MARCHF1: variants seen among roughly 807,000 people sequenced by gnomAD.
MARCHF1 encodes the protein membrane associated ring-CH-type finger 1.
MARCHF1 carries 40 observed loss-of-function variants against 54.2 expected under a neutral mutation model. That is an observed-to-expected ratio of 0.74 (90% confidence interval 0.57 to 0.96). The LOEUF is 0.96. MARCHF1 is among the 40% of genes least tolerant of loss of function. The pLI, the probability that MARCHF1 is intolerant of heterozygous loss-of-function variation, is 0.00. For missense variants in MARCHF1, 586 were observed against 656.5 expected, an observed-to-expected ratio of 0.89 and a Z score of 1.17; for synonymous variants, 236 against 236.3, an observed-to-expected ratio of 1.00 and a Z score of 0.01.
chr4:163,668,510 G>A (rs1743619040), intron 5 of MARCHF1, among the ~76,000 whole-genome samples: 1 of 152,130 alleles, frequency 6.6e-6, no homozygotes, highest in African/African-American at 2.4e-5. Flanking sequence ...GAGGTAGAAT[G>A]GGCAAGGAAA....
chr4:163,850,389 A>G (rs1249546431), intron 4 of MARCHF1, among the ~76,000 whole-genome samples: 2 of 151,920 alleles, frequency 1.3e-5, no homozygotes, highest in Non-Finnish European at 2.9e-5. Context: ...TCCCTCTGTT[A>G]CTCTTCTGTA....
At chr4:163,543,531 T>A (rs1317232856) in intron 9 of MARCHF1, among the ~76,000 whole-genome samples, 17 of 151,696 alleles carry the variant, frequency 1.1e-4, no homozygotes, top group African/African-American at 3.6e-4. Context: ...GATGTATGGG[T>A]TGGAGTACAG....
At chr4:164,235,165 A>C (rs79479013) in intron 1 of MARCHF1, among the ~76,000 whole-genome samples, 6,204 of 152,160 alleles carry the variant, frequency 0.041, 398 homozygotes, top group African/African-American at 0.14. Context: ...AAACTTTTCA[A>C]GAAAACATTC....
At position 164,227,684 on chromosome 4, in the gene MARCHF1, C is replaced by T. The variant is rs149286867; in HGVS notation, c.-322-116022G>A. 1.1e-4 allele frequency among the ~76,000 whole-genome samples: 16 copies of T among 152,068 alleles called. No homozygotes were observed. In the East Asian group the frequency reaches 1.4e-3, roughly 13 times the overall value. ...CACTCTCGCAATCTCACATATTTCG[C>T]GCCATGTGCTTCTTGTACCTACTCA... On this transcript the variant is annotated intron_variant, in intron 1 of 9. Coordinates refer to ENST00000514618, the MANE Select transcript of MARCHF1 (RefSeq NM_001394959.1).
At chr4:164,248,449 G>A (rs1023660063) in intron 1 of MARCHF1, among the ~76,000 whole-genome samples, 1 of 151,858 alleles carries the variant, frequency 6.6e-6, no homozygotes, top group Non-Finnish European at 1.5e-5. Flanking sequence ...GGAGAAAAAA[G>A]GATTATTAGT....
At chr4:163,888,990 C>T (rs538697417) in intron 3 of MARCHF1, among the ~76,000 whole-genome samples, 5 of 152,042 alleles carry the variant, frequency 3.3e-5, no homozygotes, top group East Asian at 1.9e-4. Flanking sequence ...TAAATTATAT[C>T]GATTATTATT....
At position 163,746,933 on chromosome 4, in the gene MARCHF1, C is replaced by T. The variant is rs146729960; in HGVS notation, c.112-46070G>A. ...CTAAATGAAAGCGCAAATCCGGAGA[C>T]GTAAGTTGACCACTGAAGCTTGTCT... On this transcript the variant is annotated intron_variant, in intron 4 of 9. Coordinates refer to ENST00000514618, the MANE Select transcript of MARCHF1 (RefSeq NM_001394959.1). 3.0e-3 allele frequency among the ~76,000 whole-genome samples: 459 copies of T among 152,250 alleles called. 3 individuals carry two copies. The highest frequency in any genetic ancestry group is 0.01 in the African/African-American group (424 of 41,536).
At chr4:163,758,036 C>T (rs1278728467) in intron 4 of MARCHF1, among the ~76,000 whole-genome samples, 1 of 152,208 alleles carries the variant, frequency 6.6e-6, no homozygotes, top group Admixed American at 6.5e-5. Flanking sequence ...AAATAAAATA[C>T]CAGTTATTAA....
chr4:164,119,379 A>G (rs969553978), intron 1 of MARCHF1, among the ~76,000 whole-genome samples: 1 of 151,558 alleles, frequency 6.6e-6, no homozygotes, highest in Non-Finnish European at 1.5e-5. Flanking sequence ...AGAAATACAA[A>G]TAATAAATAC....
chr4:164,016,459 C>T (rs985848146), intron 2 of MARCHF1, among the ~76,000 whole-genome samples: 10 of 151,952 alleles, frequency 6.6e-5, no homozygotes, highest in African/African-American at 2.4e-4. Flanking sequence ...CAAAACCTAA[C>T]CATATCACAT....
chr4:164,056,897 C>T (rs183210550), intron 2 of MARCHF1, among the ~76,000 whole-genome samples: 85 of 152,236 alleles, frequency 5.6e-4, no homozygotes, highest in Non-Finnish European at 1.1e-3. Context: ...AGGTTCTCAG[C>T]CTCTCGCTCT....
intron 1 of MARCHF1, among the ~76,000 whole-genome samples, chr4:164,254,468 T>G (rs2111252700): frequency 6.6e-6 from 1 of 151,316 alleles, no homozygotes; most frequent in Admixed American, 6.6e-5. Context: ...TATATGATAG[T>G]TTACACACAC....
rs184372209 is a variant in MARCHF1, at chr4:164,289,157, G to A, written c.-323+94713C>T. 4.8e-3 allele frequency among the ~76,000 whole-genome samples: 727 copies of A among 151,928 alleles called. 3 individuals are homozygous for A. The highest frequency in any genetic ancestry group is 8.3e-3 in the Non-Finnish European group (562 of 67,844). On this transcript the variant is annotated intron_variant, in intron 1 of 9. Coordinates refer to ENST00000514618, the MANE Select transcript of MARCHF1 (RefSeq NM_001394959.1). ...GTTTACCATATATATTTTCTGGCTG[G>A]GTGTAGAAATGTTCATTATAAAACA...
chr4:164,222,250 A>G (rs767324909), intron 1 of MARCHF1, among the ~76,000 whole-genome samples: 2 of 151,148 alleles, frequency 1.3e-5, no homozygotes, highest in Non-Finnish European at 3.0e-5. Flanking sequence ...ATAACAATTG[A>G]TATTTTTAGG....
intron 3 of MARCHF1, among the ~76,000 whole-genome samples, chr4:163,988,171 G>A (rs1752905431): frequency 6.6e-6 from 1 of 152,124 alleles, no homozygotes; most frequent in African/African-American, 2.4e-5. Flanking sequence ...CCACAGCAAT[G>A]TCCAGAGCCA....
chr4:164,375,015 G>A (rs965346071), intron 1 of MARCHF1, among the ~76,000 whole-genome samples: 3 of 152,100 alleles, frequency 2.0e-5, no homozygotes, highest in Admixed American at 6.5e-5. Flanking sequence ...AAATGTTAAA[G>A]GAAATATAGC....
At chr4:164,266,216 A>G (rs1003219237) in intron 1 of MARCHF1, among the ~76,000 whole-genome samples, 2 of 152,178 alleles carry the variant, frequency 1.3e-5, no homozygotes, top group African/African-American at 4.8e-5. Flanking sequence ...TCTCAGGTTT[A>G]CCTTTTCCTG....
chr4:164,054,790 AG>A (rs1440917569), intron 2 of MARCHF1, among the ~76,000 whole-genome samples: 1 of 65,852 alleles, frequency 1.5e-5, no homozygotes, highest in Non-Finnish European at 2.7e-5. Flanking sequence ...GGGTGGGGGG[AG>A]GGGGGAGGGA....
intron 1 of MARCHF1, among the ~76,000 whole-genome samples, chr4:164,223,129 C>T (rs1397123069): frequency 6.6e-6 from 1 of 151,944 alleles, no homozygotes; most frequent in African/African-American, 2.4e-5. Context: ...ATCCTGGCCC[C>T]ACCCTTAACA....
Sources: gnomAD v4.1 joint callset for allele counts (sites outside exome capture counted in the v4.1 genomes callset) on GRCh38, gnomAD v4.1.1 for gene constraint, MANE v1.5 for transcripts, NCBI Gene and HGNC (gene_info 2026-07-23, HGNC 2026-07-21) for gene names.